The following NEK10 variants were observed in gnomAD, a reference collection of about 807,000 sequenced individuals.
NEK10 encodes the protein serine/threonine-protein kinase Nek10.
A neutral mutation model predicts 159.8 loss-of-function variants in NEK10; 122 were observed. The ratio of observed to expected loss-of-function variants is 0.76; its 90% confidence interval spans 0.66 to 0.89. NEK10 has a LOEUF of 0.89. Ranked by LOEUF, NEK10 falls within the 40% of genes least tolerant of loss-of-function variation. The probability of loss-of-function intolerance (pLI) is 0.00; values close to 1 mark genes in which losing one functional copy is unlikely to be tolerated. For synonymous variants in NEK10, 466 were observed against 457.1 expected, an observed-to-expected ratio of 1.02 and a Z score of -0.25; for missense variants, 1,342 against 1,323.1, an observed-to-expected ratio of 1.01 and a Z score of -0.22.
intron 22 of NEK10, among the ~76,000 whole-genome samples, chr3:27,269,578 C>T (rs938612496): frequency 6.6e-6 from 1 of 152,162 alleles, no homozygotes; most frequent in African/African-American, 2.4e-5. Context: ...AGACATAATA[C>T]ACACAAATAG....
At chr3:27,258,642 A>C (rs1269971929) in intron 22 of NEK10, among the ~76,000 whole-genome samples, 3 of 152,110 alleles carry the variant, frequency 2.0e-5, no homozygotes, top group Non-Finnish European at 4.4e-5. Context: ...GGTTGGTTCC[A>C]AGTCTTTGCT....
chr3:27,159,442 A>G (rs1945803459), intron 30 of NEK10, among the ~76,000 whole-genome samples: 1 of 152,174 alleles, frequency 6.6e-6, no homozygotes. Flanking sequence ...CAGGAAAATT[A>G]TAGTACATAT....
At chr3:27,298,278 G>T (rs2043523904) in intron 13 of NEK10, among the ~76,000 whole-genome samples, 1 of 152,136 alleles carries the variant, frequency 6.6e-6, no homozygotes, top group Non-Finnish European at 1.5e-5. Flanking sequence ...CACTGTTCTT[G>T]TGATAGTGAA....
intron 6 of NEK10, 24 bp downstream of exon 6, chr3:27,322,153 A>AT: frequency 7.6e-7 from 1 of 1,321,904 alleles, no homozygotes; most frequent in Non-Finnish European, 1.1e-6. Flanking sequence ...AAGTAAAAAA[A>AT]AAAATTGTAT....
intron 1 of NEK10, among the ~76,000 whole-genome samples, chr3:27,357,062 C>G (rs1373932392): frequency 5.3e-5 from 8 of 152,322 alleles, no homozygotes; most frequent in African/African-American, 1.9e-4. Flanking sequence ...CATCCCAAGT[C>G]TGGTGCTCCT....
chr3:27,112,532 C>T (rs1208623756), intron 35 of NEK10, among the ~76,000 whole-genome samples: 1 of 152,162 alleles, frequency 6.6e-6, no homozygotes, highest in Admixed American at 6.5e-5. Context: ...TGGGTAGACC[C>T]TGGTGAAGGA....
At chr3:27,253,074 A>T (rs1214835087) in intron 23 of NEK10, 2 of 350,482 alleles carry the variant, frequency 5.7e-6, no homozygotes, top group East Asian at 7.3e-5. Context: ...GTCTCTACTT[A>T]ATCAGTTTTA....
At chr3:27,366,019 CCT>C (rs1491451043) in intron 1 of NEK10, among the ~76,000 whole-genome samples, 5 of 152,040 alleles carry the variant, frequency 3.3e-5, no homozygotes, top group African/African-American at 4.8e-5. Context: ...AGCCATACAC[CCT>C]GTCCACAAGC....
chr3:27,278,466 T>C (rs2041923102), intron 22 of NEK10, among the ~76,000 whole-genome samples: 1 of 152,230 alleles, frequency 6.6e-6, no homozygotes, highest in Admixed American at 6.5e-5. Context: ...ATGCCTGACC[T>C]GTGATAACAT....
chr3:27,207,318 G>C (rs1010937784), intron 23 of NEK10, among the ~76,000 whole-genome samples: 3 of 152,138 alleles, frequency 2.0e-5, no homozygotes, highest in African/African-American at 7.2e-5. Context: ...TAGGGCACAG[G>C]TATGAGAAAT....
Position 27,315,724 on chromosome 3 carries a change from A to C in NEK10, c.448-1386T>G, listed in dbSNP as rs142729258. ...GCTCTTTGCTGAGCTGTAAGCAAGC[A>C]TAAGGTGGGTATACAAACAACTAGA... On this transcript the variant is annotated intron_variant, in intron 6 of 35. Coordinates refer to ENST00000691995, the MANE Select transcript of NEK10 (RefSeq NM_001394966.1). Among the ~76,000 whole-genome samples, 318 of 152,318 alleles carry C rather than the reference A, an allele frequency of 2.1e-3. 2 individuals carry two copies. The highest frequency in any genetic ancestry group is 7.3e-3 in the African/African-American group (303 of 41,550).
intron 18 of NEK10, 43 bp from the exon 19 acceptor site, chr3:27,290,797 A>G: frequency 6.8e-7 from 1 of 1,469,916 alleles, no homozygotes. Context: ...GGAACAGGGT[A>G]AAGAAGGAGA....
chr3:27,234,998 AAAAC>A (rs1281006339), intron 23 of NEK10, among the ~76,000 whole-genome samples: 1 of 152,156 alleles, frequency 6.6e-6, no homozygotes, highest in African/African-American at 2.4e-5. Context: ...AAACCTGACA[AAAAC>A]AAGCAATGGG....
Position 27,119,751 on chromosome 3 carries a change from C to T in NEK10, c.3190+9G>A. The T allele has an allele frequency of 6.3e-7, 1 of 1,594,642 alleles. No homozygotes were observed. The highest frequency in any genetic ancestry group is 8.6e-7 in the Non-Finnish European group (1 of 1,163,006). On this transcript the variant is annotated intron_variant, in intron 33 of 35. Coordinates refer to ENST00000691995, the MANE Select transcript of NEK10 (RefSeq NM_001394966.1). ...TGAAAGCCAGGTTACCCATGTTGAT[C>T]ACTATTACCTGTAGGGTCATTTGGG...
chr3:27,127,241 A>G (rs1942070098), intron 32 of NEK10, among the ~76,000 whole-genome samples: 1 of 152,154 alleles, frequency 6.6e-6, no homozygotes, highest in Non-Finnish European at 1.5e-5. Flanking sequence ...ATATTTCAGC[A>G]TGGCTCTTTA....
chr3:27,279,961 A>C (rs2042035071), intron 22 of NEK10, among the ~76,000 whole-genome samples: 1 of 152,102 alleles, frequency 6.6e-6, no homozygotes, highest in South Asian at 2.1e-4. Flanking sequence ...TGAGGTCAAC[A>C]GATCGAGACC....
chr3:27,162,847 T>A, intron 29 of NEK10, 109 bp from the exon 30 acceptor site: 2 of 1,460,956 alleles, frequency 1.4e-6, no homozygotes, highest in African/African-American at 2.9e-5. Context: ...TAGAGATTAT[T>A]TTCCCTCAAG....
intron 3 of NEK10, among the ~76,000 whole-genome samples, chr3:27,350,124 T>A (rs1031650405): frequency 6.6e-6 from 1 of 152,198 alleles, no homozygotes; most frequent in Admixed American, 6.5e-5. Flanking sequence ...AGGCCACAAC[T>A]TGTTAGCGCA....
chr3:27,278,359 G>C (rs938139130), intron 22 of NEK10, among the ~76,000 whole-genome samples: 2 of 152,214 alleles, frequency 1.3e-5, no homozygotes, highest in Non-Finnish European at 2.9e-5. Flanking sequence ...TGTCAGCTAG[G>C]AAGGTAATTG....
Sources: gnomAD v4.1 joint callset for allele counts (sites outside exome capture counted in the v4.1 genomes callset) on GRCh38, gnomAD v4.1.1 for gene constraint, MANE v1.5 for transcripts, NCBI Gene and HGNC (gene_info 2026-07-23, HGNC 2026-07-21) for gene names.